IQCK: variants seen among roughly 807,000 people sequenced by gnomAD.
IQCK encodes the protein IQ domain-containing protein K.
A neutral mutation model predicts 28.1 loss-of-function variants in IQCK; 29 were observed. That is an observed-to-expected ratio of 1.03 (90% CI 0.77 to 1.41). The LOEUF is 1.41. Ranked by LOEUF, IQCK falls within the 40% of genes most tolerant of loss-of-function variation. The pLI is 0.00. For synonymous variants in IQCK, 113 were observed against 115.1 expected (o/e 0.98, Z 0.12); for missense variants, 359 against 314.7 (o/e 1.14, Z -1.07).
intron 4 of IQCK, among the ~76,000 whole-genome samples, chr16:19,747,842 A>G (rs1002445861): frequency 1.8e-4 from 28 of 152,110 alleles, no homozygotes; most frequent in Non-Finnish European, 1.8e-4. Context: ...ATAGATTCCA[A>G]TTCTTGATGG....
At chr16:19,815,985 C>T (rs2055984562) in intron 7 of IQCK, among the ~76,000 whole-genome samples, 1 of 152,158 alleles carries the variant, frequency 6.6e-6, no homozygotes, top group South Asian at 2.1e-4. Flanking sequence ...TATGAGGCAT[C>T]TCACACCAAG....
Position 19,844,500 on chromosome 16 carries a change from T to C in IQCK, c.803-11987T>C, listed in dbSNP as rs972740941. Reference sequence around the variant, plus strand: ...GATGGGTCGGATGACCCGGTGGCAGTAAGAACAGACAAAAGTGGACAGATT... The same window carrying C: ...GATGGGTCGGATGACCCGGTGGCAGCAAGAACAGACAAAAGTGGACAGATT... On this transcript the variant is annotated intron_variant, in intron 9 of 9. Coordinates refer to the IQCK transcript ENST00000320394. 2.6e-5 allele frequency among the ~76,000 whole-genome samples: 4 copies of C among 152,268 alleles called. No individual in the cohort carries two copies. In the South Asian group the frequency reaches 8.3e-4, roughly 32 times the overall value.
At chr16:19,733,214 T>G in intron 2 of IQCK, among the ~76,000 whole-genome samples, 1 of 152,100 alleles carries the variant, frequency 6.6e-6, no homozygotes. Flanking sequence ...CTCAGCTCAC[T>G]GTAGCCGCCA....
downstream of IQCK, among the ~76,000 whole-genome samples, chr16:19,829,518 G>T (rs529049026): frequency 3.1e-4 from 47 of 151,706 alleles, no homozygotes; most frequent in African/African-American, 1.1e-3. Flanking sequence ...CGTTTTTTTC[G>T]TAGAGACGGG....
chr16:19,739,642 C>G (rs1310603960), intron 4 of IQCK, among the ~76,000 whole-genome samples: 1 of 152,142 alleles, frequency 6.6e-6, no homozygotes, highest in African/African-American at 2.4e-5. Context: ...TGCCAAAACC[C>G]CATCTCTACA....
chr16:19,732,047 G>A (rs550604128), intron 2 of IQCK, among the ~76,000 whole-genome samples: 10 of 152,310 alleles, frequency 6.6e-5, no homozygotes, highest in Admixed American at 2.6e-4. Context: ...GAAGAAGGGC[G>A]TCCTAGCTCC....
chr16:19,786,393 A>G (rs952816281), intron 6 of IQCK, among the ~76,000 whole-genome samples: 4 of 149,572 alleles, frequency 2.7e-5, no homozygotes, highest in Non-Finnish European at 4.4e-5. Flanking sequence ...TTTTAAGAAA[A>G]TTTACTTAAA....
chr16:19,758,990 A>T (rs2055093156), intron 4 of IQCK, among the ~76,000 whole-genome samples: 1 of 152,190 alleles, frequency 6.6e-6, no homozygotes, highest in East Asian at 1.9e-4. Flanking sequence ...AAAGAAAAAA[A>T]ATTATGGAAA....
intron 7 of IQCK, among the ~76,000 whole-genome samples, chr16:19,823,213 T>C (rs570924406): frequency 2.0e-5 from 3 of 152,152 alleles, no homozygotes; most frequent in South Asian, 4.2e-4. Flanking sequence ...CAAGATCCAG[T>C]GGTGATCTGA....
At chr16:19,727,535 C>T (rs891291410) in intron 1 of IQCK, among the ~76,000 whole-genome samples, 14 of 151,302 alleles carry the variant, frequency 9.3e-5, no homozygotes, top group African/African-American at 7.3e-5. Flanking sequence ...TGCAGTGAGC[C>T]GAGATCGTGC....
intron 7 of IQCK, among the ~76,000 whole-genome samples, chr16:19,812,243 T>A (rs532852306): frequency 2.6e-5 from 4 of 152,272 alleles, no homozygotes; most frequent in African/African-American, 9.6e-5. Flanking sequence ...CACCTGGGCC[T>A]CCCAAAGTGC....
At chr16:19,765,111 A>C (rs2055211735) in intron 6 of IQCK, among the ~76,000 whole-genome samples, 1 of 147,416 alleles carries the variant, frequency 6.8e-6, no homozygotes, top group African/African-American at 2.5e-5. Flanking sequence ...AGTCCCAGCA[A>C]CTCGGGAGGC....
At chr16:19,737,404 A>G (rs1389839636) in intron 4 of IQCK, among the ~76,000 whole-genome samples, 2 of 152,180 alleles carry the variant, frequency 1.3e-5, no homozygotes, top group Admixed American at 6.6e-5. Flanking sequence ...ATGCCTTCAC[A>G]GTATCCTGCC....
At chr16:19,760,082 C>T (rs1163389878) in intron 4 of IQCK, among the ~76,000 whole-genome samples, 1 of 152,074 alleles carries the variant, frequency 6.6e-6, no homozygotes, top group Non-Finnish European at 1.5e-5. Flanking sequence ...AGAGATCATG[C>T]CACTATACTC....
Position 19,731,768 on chromosome 16 carries a change from C to T in IQCK, c.246+1274C>T, listed in dbSNP as rs757707114. On this transcript the variant is annotated intron_variant, in intron 2 of 7. Coordinates refer to ENST00000564186, the Ensembl canonical transcript of IQCK. ...CTGGGGTAATTGGCTCACACGATTA[C>T]GGAGGCTGAGAAGTCCTACATTAGG... Among the ~76,000 whole-genome samples, 6 of 152,158 alleles carry T rather than the reference C, an allele frequency of 3.9e-5. No individual in the cohort carries two copies. In the East Asian group the frequency reaches 9.6e-4, roughly 24 times the overall value.
intron 6 of IQCK, among the ~76,000 whole-genome samples, chr16:19,772,993 A>T (rs1047575126): frequency 6.6e-6 from 1 of 152,104 alleles, no homozygotes; most frequent in African/African-American, 2.4e-5. Flanking sequence ...ACAGAGTGAG[A>T]TCCTGTCTCA....
At chr16:19,730,607 C>T in intron 2 of IQCK, 113 bp downstream of exon 2, 1 of 756,632 alleles carries the variant, frequency 1.3e-6, no homozygotes, top group Non-Finnish European at 2.0e-6. Flanking sequence ...AAAGGGAAGG[C>T]ACTGGAGCGA....
At chr16:19,724,629 C>A (rs998101487) in intron 1 of IQCK, among the ~76,000 whole-genome samples, 1 of 152,058 alleles carries the variant, frequency 6.6e-6, no homozygotes, top group Middle Eastern at 3.4e-3. Flanking sequence ...CCTGGATTCA[C>A]GCCATTCTCC....
At chr16:19,736,519 C>T (rs189208182) in intron 4 of IQCK, among the ~76,000 whole-genome samples, 6 of 152,254 alleles carry the variant, frequency 3.9e-5, no homozygotes, top group East Asian at 3.9e-4. Flanking sequence ...TACACCCACG[C>T]GGATACCCTT....
Sources: gnomAD v4.1 joint callset for allele counts (sites outside exome capture counted in the v4.1 genomes callset) on GRCh38, gnomAD v4.1.1 for gene constraint, MANE v1.5 for transcripts, NCBI Gene and HGNC (gene_info 2026-07-23, HGNC 2026-07-21) for gene names.